CLIP1: variants seen among roughly 807,000 people sequenced by gnomAD.
CLIP1 encodes the protein CAP-Gly domain containing linker protein 1, also known as CAP-Gly domain-containing linker protein 1.
A neutral mutation model predicts 161.6 loss-of-function variants in CLIP1; 66 were observed. That is an observed-to-expected ratio of 0.41 (90% confidence interval 0.33 to 0.50). The LOEUF (loss-of-function observed/expected upper bound fraction) is 0.50. CLIP1 is among the 20% of genes least tolerant of loss of function. The pLI is 0.27. For synonymous variants in CLIP1, 598 were observed against 626.2 expected (o/e 0.96, Z 0.67); for missense variants, 1,376 against 1,702.0 (o/e 0.81, Z 3.37).
intron 1 of CLIP1, among the ~76,000 whole-genome samples, chr12:122,420,917 A>G (rs1455788926): frequency 1.3e-5 from 2 of 151,758 alleles, no homozygotes; most frequent in African/African-American, 4.8e-5. Context: ...CCGGGGGGAC[A>G]GATTGAGGCT....
At chr12:122,333,279 A>C in intron 14 of CLIP1, 136 bp from the exon 15 acceptor site, 3 of 656,512 alleles carry the variant, frequency 4.6e-6, no homozygotes, top group Non-Finnish European at 7.7e-6. Flanking sequence ...TGAAGAAGGC[A>C]CACAATAAGC....
At chr12:122,345,237 T>A (rs1195158864) in intron 10 of CLIP1, among the ~76,000 whole-genome samples, 1 of 151,388 alleles carries the variant, frequency 6.6e-6, no homozygotes, top group African/African-American at 2.4e-5. Context: ...TGCAGAGACA[T>A]GAACATGGCT....
At chr12:122,295,047 C>A (rs1480445190) in intron 20 of CLIP1, among the ~76,000 whole-genome samples, 1 of 149,382 alleles carries the variant, frequency 6.7e-6, no homozygotes, top group East Asian at 2.0e-4. Flanking sequence ...CAGAGCGAGA[C>A]TCCATCTCAA....
At chr12:122,393,780 T>G (rs1955771425) in intron 1 of CLIP1, among the ~76,000 whole-genome samples, 1 of 151,092 alleles carries the variant, frequency 6.6e-6, no homozygotes. Flanking sequence ...GGTGTGGTGG[T>G]GCGCACCAGT....
chr12:122,296,281 C>G (rs1950464406), intron 20 of CLIP1, among the ~76,000 whole-genome samples: 1 of 152,006 alleles, frequency 6.6e-6, no homozygotes, highest in Non-Finnish European at 1.5e-5. Context: ...GTTTTATGAC[C>G]ATATATATTT....
chr12:122,370,310 AG>A (rs1270780429), intron 3 of CLIP1, among the ~76,000 whole-genome samples: 1 of 152,120 alleles, frequency 6.6e-6, no homozygotes, highest in Non-Finnish European at 1.5e-5. Flanking sequence ...AGTCCAAGGA[AG>A]GAGTTTCGAT....
intron 3 of CLIP1, 48 bp from the exon 4 acceptor site, chr12:122,364,155 C>G (rs753000356): frequency 1.2e-6 from 2 of 1,611,254 alleles, no homozygotes; most frequent in South Asian, 2.2e-5. Flanking sequence ...CACTCTATAG[C>G]TTAATCGTTT....
intron 9 of CLIP1, among the ~76,000 whole-genome samples, chr12:122,347,848 GCC>G (rs1952822845): frequency 6.6e-6 from 1 of 152,004 alleles, no homozygotes; most frequent in Non-Finnish European, 1.5e-5. Flanking sequence ...TTATCCCTCC[GCC>G]CCACAAAGGC....
At chr12:122,386,747 C>T (rs1377930004) in intron 1 of CLIP1, among the ~76,000 whole-genome samples, 1 of 151,212 alleles carries the variant, frequency 6.6e-6, no homozygotes, top group Non-Finnish European at 1.5e-5. Flanking sequence ...CATCTGTAAT[C>T]CCAAGACTTT....
At chr12:122,310,033 A>C (rs1006497949) in intron 19 of CLIP1, 151 bp from the exon 20 acceptor site, 37 of 834,426 alleles carry the variant, frequency 4.4e-5, no homozygotes, top group Non-Finnish European at 6.5e-5. Flanking sequence ...ATCTACATGC[A>C]GAAGGGGTTA....
intron 20 of CLIP1, among the ~76,000 whole-genome samples, chr12:122,293,802 TTTTG>T (rs1299807962): frequency 9.1e-6 from 1 of 110,410 alleles, no homozygotes; most frequent in Non-Finnish European, 1.7e-5. Flanking sequence ...TTTTTTTGTT[TTTTG>T]TTTTTTGTTT....
chr12:122,309,664 C>CCA, intron 20 of CLIP1, 98 bp downstream of exon 20: 1 of 1,438,682 alleles, frequency 7.0e-7, no homozygotes, highest in Non-Finnish European at 9.6e-7. Context: ...AATGACCCCA[C>CCA]CACACTGAGC....
At chr12:122,362,583 G>A (rs1403920366) in intron 4 of CLIP1, among the ~76,000 whole-genome samples, 15 of 145,112 alleles carry the variant, frequency 1.0e-4, no homozygotes, top group Admixed American at 9.9e-4. Flanking sequence ...AGAGGTTGCG[G>A]TGAGCCAAGA....
Position 122,377,568 on chromosome 12 carries a change from A to G in CLIP1, c.478T>C (p.Ser160Pro), listed in dbSNP as rs1593198391. 6.2e-7 allele frequency: 1 copy of G among 1,613,646 alleles called. No homozygotes were observed. The highest frequency in any genetic ancestry group is 8.5e-7 in the Non-Finnish European group (1 of 1,179,952). The change falls in exon 3 of 26, where the codon TCC becomes CCC. Residue 160 changes from serine (S) to proline (P), a missense_variant. Physicochemically the swap from Ser to Pro is moderately conservative, Grantham distance 74 (BLOSUM62 -1). This residue lies in a region of CLIP1 where 119 missense variants were observed against 112.0 expected (regional missense o/e 1.06). Transcript: ENST00000620786. ...CTSTASMVSS[S>P]PSTPSNIPQK... ...GGGATGTTTGAAGGGGTGGAGGGGG[A>G]GGAAGACACCATGCTGGCCGTAGAA...
chr12:122,320,757 T>C (rs929282743), intron 17 of CLIP1, among the ~76,000 whole-genome samples: 15 of 151,034 alleles, frequency 9.9e-5, no homozygotes, highest in African/African-American at 3.4e-4. Flanking sequence ...GTCACCAGGC[T>C]GGAGCGCAGT....
chr12:122,408,934 C>G (rs1956426038), intron 1 of CLIP1, among the ~76,000 whole-genome samples: 2 of 152,138 alleles, frequency 1.3e-5, no homozygotes. Context: ...GCGTCAGCCT[C>G]CCAAGTAGCC....
At chr12:122,346,347 G>T (rs1030500094) in intron 10 of CLIP1, among the ~76,000 whole-genome samples, 1 of 152,160 alleles carries the variant, frequency 6.6e-6, no homozygotes, top group East Asian at 1.9e-4. Context: ...ATAGTGTCTG[G>T]CATGAAGTAT....
intron 1 of CLIP1, among the ~76,000 whole-genome samples, chr12:122,387,563 T>C (rs1955342099): frequency 1.8e-3 from 17 of 9,314 alleles, no homozygotes; most frequent in African/African-American, 2.9e-3. Flanking sequence ...TATATATATA[T>C]ATATATATAT....
At position 122,292,282 on chromosome 12, in the gene CLIP1, T is replaced by G. The variant is rs1055073442; in HGVS notation, c.3595-3741A>C. Among the ~76,000 whole-genome samples, 17 of 152,008 alleles carry G rather than the reference T, an allele frequency of 1.1e-4. 1 individual carries two copies. Among genetic ancestry groups the G allele is most frequent in the African/African-American group, 3.1e-4 (13 of 41,406 alleles). ...CCTCCCAAAGTACTGGGATTACAGG[T>G]GTGAGCCACTACTCCTGGCTTCCAT... is the stretch of plus-strand genomic sequence containing the variant. On this transcript the variant is annotated intron_variant, in intron 20 of 25. Coordinates refer to ENST00000620786, the MANE Select transcript of CLIP1 (RefSeq NM_001247997.2).
Sources: gnomAD v4.1 joint callset for allele counts (sites outside exome capture counted in the v4.1 genomes callset) on GRCh38, gnomAD v4.1.1 for gene constraint, gnomAD v4.1.1 regional missense constraint, MANE v1.5 for transcripts, NCBI Gene and HGNC (gene_info 2026-07-23, HGNC 2026-07-21) for gene names.